Variants in PTPN13 observed in about 807,000 individuals in gnomAD.
PTPN13 encodes the protein tyrosine-protein phosphatase non-receptor type 13.
Under a neutral mutation model 284.0 loss-of-function variants are expected in PTPN13, and 191 were observed. The ratio of observed to expected loss-of-function variants is 0.67; its 90% confidence interval spans 0.60 to 0.76. PTPN13 has a LOEUF of 0.76. Ranked by LOEUF, PTPN13 falls within the 30% of genes least tolerant of loss-of-function variation. The pLI, the probability that PTPN13 is intolerant of heterozygous loss-of-function variation, is 0.00. For synonymous variants in PTPN13, 986 were observed against 1,022.3 expected (o/e 0.96, Z 0.68); for missense variants, 2,797 against 2,939.9 (o/e 0.95, Z 1.12).
At chr4:86,768,424 C>T (rs1739578171) in intron 28 of PTPN13, among the ~76,000 whole-genome samples, 1 of 152,058 alleles carries the variant, frequency 6.6e-6, no homozygotes, top group African/African-American at 2.4e-5. Context: ...CTATGCTAGC[C>T]TTTGGACAGA....
chr4:86,812,039 G>A (rs973053652), intron 47 of PTPN13, among the ~76,000 whole-genome samples: 4 of 152,082 alleles, frequency 2.6e-5, no homozygotes, highest in Non-Finnish European at 5.9e-5. Flanking sequence ...GGCCGGGCGC[G>A]GTGGCTCACG....
At position 86,771,373 on chromosome 4, in the gene PTPN13, A is replaced by G. The variant is rs1460714863; in HGVS notation, c.5006A>G (p.Asn1669Ser). The G allele has an allele frequency of 6.3e-7, 1 of 1,577,350 alleles. No individual in the cohort carries two copies. The highest frequency in any genetic ancestry group is 8.6e-7 in the Non-Finnish European group (1 of 1,160,980). The change falls in exon 31 of 48, where the codon AAC (asparagine) becomes AGC (serine). Residue 1669 changes from asparagine (N) to serine (S), a missense_variant. Coordinates refer to ENST00000411767, the MANE Select transcript of PTPN13 (RefSeq NM_080683.3). ...GATGACTTAGTGACAGCTCCAGCAA[A>G]CATATCAAATTCGACCTGGAGTTCA... The part of the protein sequence containing the change: ...GEDDLVTAPA[N>S]ISNSTWSSAL...
rs1367277595 is a variant in PTPN13, at chr4:86,734,473, TTC to T, written c.2012+21_2012+22del. 6.6e-7 allele frequency: 1 copy of T among 1,517,646 alleles called. No individual in the cohort carries two copies. The highest frequency in any genetic ancestry group is 2.4e-5 in the East Asian group (1 of 42,006). 94.0% of individuals were successfully genotyped at this position (1,517,646 alleles called of 1,614,324 possible). On this transcript the variant is annotated intron_variant, in intron 13 of 47. Transcript: ENST00000411767. ...TCTAATACAGTGAGTACACAAGAGT[TTC>T]TCTTTTGCTCTTTTTGGACACTGGT...
chr4:86,796,954 C>T (rs1198483911), intron 41 of PTPN13, 25 bp downstream of exon 41: 1 of 1,342,034 alleles, frequency 7.5e-7, no homozygotes. Flanking sequence ...TTCAAAGTAT[C>T]CATAATGCTT....
intron 7 of PTPN13, among the ~76,000 whole-genome samples, chr4:86,714,923 G>A (rs1178478557): frequency 1.3e-5 from 2 of 152,134 alleles, no homozygotes; most frequent in African/African-American, 2.4e-5. Flanking sequence ...ATGAGGCAAC[G>A]TGAAAGTAAG....
rs549512258 is a variant in PTPN13, at chr4:86,752,953, C to T, written c.3167-56C>T. ...ATGAGCTTATCAGAAGAAATCACTT[C>T]GATATCTAGCATCTGACCATCTTAT... is the stretch of plus-strand genomic sequence containing the variant. On this transcript the variant is annotated intron_variant, in intron 19 of 47. Coordinates refer to ENST00000411767, the MANE Select transcript of PTPN13 (RefSeq NM_080683.3). 466 of 1,265,066 alleles carry T rather than the reference C, an allele frequency of 3.7e-4. 5 individuals are homozygous for T. In the South Asian group the frequency reaches 5.5e-3, roughly 15 times the overall value. 78.4% of individuals were successfully genotyped at this position (1,265,066 alleles called of 1,614,324 possible).
chr4:86,666,860 C>T (rs1400629195), intron 2 of PTPN13, among the ~76,000 whole-genome samples: 1 of 152,168 alleles, frequency 6.6e-6, no homozygotes, highest in East Asian at 1.9e-4. Flanking sequence ...ACTTGCTGTA[C>T]AGGTGGCTGG....
In PTPN13 at chr4:86,766,466, A is replaced by G. The variant is rs369148774; in HGVS notation, c.4278A>G (p.Leu1426=). 8 of 1,610,362 alleles carry G rather than the reference A, an allele frequency of 5.0e-6. No homozygotes were observed. The highest frequency in any genetic ancestry group is 6.8e-6 in the Non-Finnish European group (8 of 1,179,024). ...DRVLAVNGVS[L]EGATHKQAVE... is the part of the protein sequence containing the mutation. ...TCCTAGCTGTCAATGGAGTTAGTCT[A>G]GAAGGAGCCACCCATAAGCAAGCTG... Residue 1426 remains leucine, a synonymous_variant, in exon 27 of 48, where the codon CTA becomes CTG. Coordinates refer to ENST00000411767, the MANE Select transcript of PTPN13 (RefSeq NM_080683.3).
rs532961980 is a variant in PTPN13, at chr4:86,728,020, G to A, written c.1609-4380G>A. ...AGAGATTCTGGTATGTTGTGTCTTCGTTCTCATTGGTTTCAAAGAACATCT... is the reference window on the plus strand; with the variant it reads ...AGAGATTCTGGTATGTTGTGTCTTCATTCTCATTGGTTTCAAAGAACATCT... On this transcript the variant is annotated intron_variant, in intron 10 of 47. Transcript: ENST00000411767. 1.2e-3 allele frequency among the ~76,000 whole-genome samples: 175 copies of A among 149,534 alleles called. 16 individuals carry two copies. Among genetic ancestry groups the A allele is most frequent in the Non-Finnish European group, 2.0e-3 (130 of 66,650 alleles).
chr4:86,808,527 A>T (rs1317159183), intron 45 of PTPN13, among the ~76,000 whole-genome samples: 1 of 152,346 alleles, frequency 6.6e-6, no homozygotes, highest in African/African-American at 2.4e-5. Flanking sequence ...AAATTTAGCT[A>T]TCTTAAGGAA....
chr4:86,804,783 A>G (rs1744475632), intron 43 of PTPN13, among the ~76,000 whole-genome samples: 2 of 152,210 alleles, frequency 1.3e-5, no homozygotes, highest in African/African-American at 4.8e-5. Context: ...CACTTATTAC[A>G]GTACCTTGCA....
intron 3 of PTPN13, among the ~76,000 whole-genome samples, chr4:86,676,073 G>A (rs928146196): frequency 3.9e-5 from 6 of 152,066 alleles, no homozygotes; most frequent in African/African-American, 7.2e-5. Context: ...AGCCTCAACC[G>A]AACTTGACCA....
Position 86,714,388 on chromosome 4 carries a change from C to A in PTPN13, c.1196-2142C>A, listed in dbSNP as rs187312313. On this transcript the variant is annotated intron_variant, in intron 7 of 47. Coordinates refer to ENST00000411767, the MANE Select transcript of PTPN13 (RefSeq NM_080683.3). ...GATTTTTCCTCCTTGCCAGTCTACTCGTCCCACATGTGTTCTTTTTTCCAT... is the reference window on the plus strand; with the variant it reads ...GATTTTTCCTCCTTGCCAGTCTACTAGTCCCACATGTGTTCTTTTTTCCAT... Among the ~76,000 whole-genome samples, 9 of 152,150 alleles carry A rather than the reference C, an allele frequency of 5.9e-5. No homozygotes were observed. In the East Asian group the frequency reaches 1.7e-3, roughly 29 times the overall value.
At chr4:86,797,393 G>A (rs1422036572) in intron 41 of PTPN13, among the ~76,000 whole-genome samples, 2 of 152,078 alleles carry the variant, frequency 1.3e-5, no homozygotes, top group Non-Finnish European at 2.9e-5. Context: ...TCAGGAGGCT[G>A]AGGCAGGAGA....
chr4:86,679,115 T>C (rs902985505), intron 3 of PTPN13, among the ~76,000 whole-genome samples: 1 of 152,242 alleles, frequency 6.6e-6, no homozygotes, highest in Non-Finnish European at 1.5e-5. Flanking sequence ...ATTCTGAATT[T>C]ACTTTAGTGT....
chr4:86,785,714 C>G, intron 39 of PTPN13, 134 bp from the exon 40 acceptor site: 1 of 498,510 alleles, frequency 2.0e-6, no homozygotes, highest in Non-Finnish European at 3.4e-6. Context: ...TTCTTCCTAA[C>G]TTTTCTAGTT....
chr4:86,812,379 A>G (rs1479956213), intron 47 of PTPN13, among the ~76,000 whole-genome samples: 2 of 152,042 alleles, frequency 1.3e-5, no homozygotes, highest in Non-Finnish European at 2.9e-5. Flanking sequence ...TAAAACAAAG[A>G]TCCTTGCTAG....
intron 7 of PTPN13, among the ~76,000 whole-genome samples, chr4:86,702,699 A>T (rs1731295603): frequency 6.6e-6 from 1 of 152,180 alleles, no homozygotes. Context: ...TAGATGTGAC[A>T]TATAGAGGCT....
At position 86,763,073 on chromosome 4, in the gene PTPN13, C is replaced by G; in HGVS notation, c.3900C>G (p.Asn1300Lys). Residue 1300 changes from asparagine (N) to lysine (K), a missense_variant, in exon 24 of 48, where the codon AAC becomes AAG. Asn to Lys is a moderately conservative substitution (Grantham distance 94, BLOSUM62 0). Transcript: ENST00000411767. ...ATEKETFTDS[N>K]QSKTKKPGIS... is the part of the protein sequence containing the mutation. ...AGAAAGAGACTTTCACTGATAGTAA[C>G]CAAAGCAAAACTAAAAAGCCAGGCA... 3 of 1,613,680 alleles carry G rather than the reference C, an allele frequency of 1.9e-6. No individual in the cohort carries two copies. The highest frequency in any genetic ancestry group is 1.7e-6 in the Non-Finnish European group (2 of 1,179,818).
Sources: allele counts gnomAD v4.1 joint callset (sites outside exome capture counted in the v4.1 genomes callset), GRCh38; gene constraint gnomAD v4.1.1; transcripts MANE v1.5; gene names NCBI Gene and HGNC (gene_info 2026-07-23, HGNC 2026-07-21).